PEAK1: variants seen among roughly 807,000 people sequenced by gnomAD.
The protein encoded by PEAK1 is pseudopodium enriched atypical kinase 1.
A neutral mutation model predicts 124.7 loss-of-function variants in PEAK1; 54 were observed. The observed-to-expected ratio is 0.43, with a 90% CI of 0.35 to 0.54. The LOEUF is 0.54. PEAK1 is among the 20% of genes least tolerant of loss of function. The probability of loss-of-function intolerance (pLI) is 0.01; values close to 1 mark genes in which losing one functional copy is unlikely to be tolerated. For synonymous variants in PEAK1, 719 were observed against 760.0 expected (o/e 0.95, Z 0.89); for missense variants, 2,046 against 2,134.5 (o/e 0.96, Z 0.82).
intron 2 of PEAK1, among the ~76,000 whole-genome samples, chr15:77,331,322 G>A (rs1203059909): frequency 6.6e-6 from 1 of 151,960 alleles, no homozygotes; most frequent in African/African-American, 2.4e-5. Context: ...TACACACAGG[G>A]TTTTGCCATG....
intron 5 of PEAK1, among the ~76,000 whole-genome samples, chr15:77,258,380 G>C (rs1241566373): frequency 1.3e-5 from 2 of 152,100 alleles, no homozygotes; most frequent in South Asian, 4.1e-4. Context: ...TCTTCCATTT[G>C]TTGGTATCCT....
intron 2 of PEAK1, chr15:77,349,291 G>A: frequency 5.1e-6 from 4 of 782,928 alleles, no homozygotes; most frequent in Non-Finnish European, 6.2e-6. Context: ...TGCCCGCCTC[G>A]GCCTCCCAAA....
chr15:77,169,568 C>T (rs1447733616), intron 7 of PEAK1, among the ~76,000 whole-genome samples: 2 of 152,058 alleles, frequency 1.3e-5, no homozygotes, highest in African/African-American at 4.8e-5. Context: ...GGAAACTGAA[C>T]CCAGAAGGTA....
chr15:77,250,146 T>TATATATATAC (rs996902981), intron 6 of PEAK1, among the ~76,000 whole-genome samples: 2 of 143,492 alleles, frequency 1.4e-5, no homozygotes, highest in East Asian at 2.0e-4. Context: ...ACTGTTAAGA[T>TATATATATAC]ATATATATAC....
chr15:77,141,126 G>A (rs906379214), intron 8 of PEAK1, among the ~76,000 whole-genome samples: 3 of 152,066 alleles, frequency 2.0e-5, no homozygotes, highest in East Asian at 3.8e-4. Context: ...TAATATAATC[G>A]TGTATATTGA....
At chr15:77,258,959 C>G (rs2061306471) in intron 5 of PEAK1, among the ~76,000 whole-genome samples, 1 of 152,082 alleles carries the variant, frequency 6.6e-6, no homozygotes, top group Non-Finnish European at 1.5e-5. Flanking sequence ...TTGTCAAAGG[C>G]CTTTTCTCCA....
At chr15:77,267,575 A>G (rs1169365818) in intron 5 of PEAK1, among the ~76,000 whole-genome samples, 1 of 152,162 alleles carries the variant, frequency 6.6e-6, no homozygotes, top group Non-Finnish European at 1.5e-5. Context: ...CCCAGAGCCT[A>G]ACAGCTCTGC....
In PEAK1 at chr15:77,227,923, G is replaced by A. The variant is rs74771669; in HGVS notation, c.-115+24444C>T. On this transcript the variant is annotated intron_variant, in intron 6 of 9. Transcript: ENST00000682557. ...ACTCAAGAGAATCACTTGAGCCCAG[G>A]GGTTCAAGGTTGCAGTGAGGTATGA... 8.9e-3 allele frequency among the ~76,000 whole-genome samples: 1,348 copies of A among 152,066 alleles called. 22 individuals are homozygous for A. The highest frequency in any genetic ancestry group is 0.031 in the African/African-American group (1,267 of 41,494).
At chr15:77,354,753 A>T (rs1001489602) in intron 2 of PEAK1, among the ~76,000 whole-genome samples, 2 of 152,146 alleles carry the variant, frequency 1.3e-5, no homozygotes, top group African/African-American at 4.8e-5. Context: ...TAGAACACTT[A>T]GTAGGGCCAG....
At chr15:77,320,266 A>G (rs2065117266) in intron 2 of PEAK1, among the ~76,000 whole-genome samples, 1 of 152,166 alleles carries the variant, frequency 6.6e-6, no homozygotes, top group South Asian at 2.1e-4. Context: ...ATTCAATAAT[A>G]AAATGTCTAT....
intron 2 of PEAK1, among the ~76,000 whole-genome samples, chr15:77,321,091 G>C (rs1211963096): frequency 2.0e-5 from 3 of 152,102 alleles, no homozygotes; most frequent in Admixed American, 6.6e-5. Context: ...CCAAGTCTTT[G>C]CTATTGTGAA....
intron 2 of PEAK1, chr15:77,335,886 ACC>A (rs2141280396): frequency 1.0e-6 from 1 of 985,258 alleles, no homozygotes; most frequent in Admixed American, 6.2e-5. Context: ...CATCCTTCCC[ACC>A]CCAATCATTG....
chr15:77,290,240 T>A (rs1308617672), intron 2 of PEAK1, among the ~76,000 whole-genome samples: 2 of 152,196 alleles, frequency 1.3e-5, no homozygotes, highest in South Asian at 4.1e-4. Context: ...TTCTCCTACC[T>A]CAACCTCCAG....
chr15:77,108,938 G>C lies in PEAK1; in HGVS notation c.*5218C>G, dbSNP rs767788292. On this transcript the variant is annotated 3_prime_UTR_variant, in exon 10 of 10. Coordinates refer to ENST00000682557, the MANE Select transcript of PEAK1 (RefSeq NM_001385026.1). ...CAGGCCCTTGCAGCCCACCTAGGTG[G>C]GGAAAGCTTCTAGCAGTGGTTGATG... 7.9e-5 allele frequency: 12 copies of C among 152,116 alleles called. No individual in the cohort carries two copies. The highest frequency in any genetic ancestry group is 1.6e-4 in the Non-Finnish European group (11 of 68,022). 9.4% of individuals were successfully genotyped at this position (152,116 alleles called of 1,614,324 possible).
At chr15:77,220,536 A>C (rs1462373879) in intron 6 of PEAK1, among the ~76,000 whole-genome samples, 1 of 151,756 alleles carries the variant, frequency 6.6e-6, no homozygotes, top group Non-Finnish European at 1.5e-5. Flanking sequence ...AAAAAAAAAA[A>C]ACGGTGAGGA....
At chr15:77,296,546 G>A (rs1338585327) in intron 2 of PEAK1, among the ~76,000 whole-genome samples, 6 of 151,500 alleles carry the variant, frequency 4.0e-5, no homozygotes, top group Non-Finnish European at 5.9e-5. Context: ...CTCAGGAGGC[G>A]GAGGTTGAAG....
intron 2 of PEAK1, among the ~76,000 whole-genome samples, chr15:77,319,096 T>C (rs1053611455): frequency 2.0e-5 from 3 of 152,106 alleles, no homozygotes; most frequent in Non-Finnish European, 4.4e-5. Context: ...CACTATGATA[T>C]AATACTTTGA....
intron 1 of PEAK1, among the ~76,000 whole-genome samples, chr15:77,369,217 A>G (rs2068474401): frequency 1.3e-5 from 2 of 152,202 alleles, no homozygotes; most frequent in South Asian, 4.1e-4. Flanking sequence ...CACGGTACAG[A>G]TAGTAAAGAT....
At position 77,226,044 on chromosome 15, in the gene PEAK1, GATATATATATATAT is replaced by G. The variant is rs1157824212; in HGVS notation, c.-115+26309_-115+26322del. On this transcript the variant is annotated intron_variant, in intron 6 of 9. Transcript: ENST00000682557. ...CAGTCACAGCAACTGAAAATAAAGG[GATATATATATATAT>G]ATATATATATATATATATATATATA... Among the ~76,000 whole-genome samples the G allele has an allele frequency of 8.3e-3, 374 of 44,984 alleles. 6 individuals are homozygous for G. Among genetic ancestry groups the G allele is most frequent in the African/African-American group, 0.022 (327 of 14,698 alleles). The allele number at this position is 44,984 out of a possible 152,430, so 29.5% of individuals were successfully genotyped here. A position where few individuals can be genotyped will look rare whatever the true frequency, so the allele number is the denominator to read the frequency against.
Sources: allele counts gnomAD v4.1 joint callset (sites outside exome capture counted in the v4.1 genomes callset), GRCh38; gene constraint gnomAD v4.1.1; transcripts MANE v1.5; gene names NCBI Gene and HGNC (gene_info 2026-07-23, HGNC 2026-07-21).